NRXN1: variants seen among roughly 807,000 people sequenced by gnomAD.
The protein encoded by NRXN1 is neurexin 1.
NRXN1 carries 39 observed loss-of-function variants against 150.9 expected under a neutral mutation model. That is an observed-to-expected ratio of 0.26 (90% confidence interval 0.20 to 0.34). The LOEUF (loss-of-function observed/expected upper bound fraction) is 0.34, where lower values mean the gene tolerates loss of function less well. NRXN1 is among the 10% of genes least tolerant of loss of function. NRXN1 has a pLI of 1.00. For missense variants in NRXN1, 1,815 were observed against 1,949.9 expected, an observed-to-expected ratio of 0.93 and a Z score of 1.30; for synonymous variants, 924 against 757.0, an observed-to-expected ratio of 1.22 and a Z score of -3.62.
At chr2:50,630,590 A>G (rs1380199627) in intron 5 of NRXN1, among the ~76,000 whole-genome samples, 3 of 151,780 alleles carry the variant, frequency 2.0e-5, no homozygotes, top group South Asian at 4.1e-4. Context: ...CCCCAGTTAC[A>G]TGAAGAATGT....
chr2:50,592,306 C>T (rs181258828), intron 8 of NRXN1, among the ~76,000 whole-genome samples: 5 of 152,328 alleles, frequency 3.3e-5, no homozygotes, highest in African/African-American at 1.2e-4. Context: ...AGGGCCAGGG[C>T]AAATGACACC....
intron 21 of NRXN1, among the ~76,000 whole-genome samples, chr2:49,978,290 T>C (rs1482644310): frequency 6.6e-6 from 1 of 152,154 alleles, no homozygotes; most frequent in African/African-American, 2.4e-5. Context: ...AAGGTGGGCT[T>C]GTGAGCAAGA....
chr2:50,007,598 A>G (rs371358862), intron 21 of NRXN1, among the ~76,000 whole-genome samples: 44 of 152,228 alleles, frequency 2.9e-4, no homozygotes, highest in African/African-American at 1.0e-3. Flanking sequence ...TCCCTAGTGT[A>G]TATGTGCCAC....
At chr2:50,113,090 T>C (rs1396728409) in intron 18 of NRXN1, among the ~76,000 whole-genome samples, 3 of 152,166 alleles carry the variant, frequency 2.0e-5, no homozygotes, top group Non-Finnish European at 2.9e-5. Flanking sequence ...ACCCCTAGAT[T>C]TGATTCCTGC....
At chr2:50,373,678 GA>G (rs779166297) in intron 17 of NRXN1, among the ~76,000 whole-genome samples, 16,185 of 67,586 alleles carry the variant, frequency 0.24, 1,284 homozygotes, top group East Asian at 0.48. Flanking sequence ...AAGAAAGAAA[GA>G]AAAGAAAGAA....
intron 2 of NRXN1, among the ~76,000 whole-genome samples, chr2:50,992,103 AAG>A (rs2104996779): frequency 6.6e-6 from 1 of 152,144 alleles, no homozygotes; most frequent in South Asian, 2.1e-4. Flanking sequence ...CAGAGACAGA[AAG>A]AGAGAGAGAA....
chr2:49,993,132 A>T (rs1205010521), intron 21 of NRXN1, among the ~76,000 whole-genome samples: 1 of 152,210 alleles, frequency 6.6e-6, no homozygotes, highest in Non-Finnish European at 1.5e-5. Context: ...GGCTTTATTT[A>T]TAATTGCCAA....
At chr2:50,794,117 T>A (rs1177671392) in intron 5 of NRXN1, among the ~76,000 whole-genome samples, 1 of 152,114 alleles carries the variant, frequency 6.6e-6, no homozygotes, top group African/African-American at 2.4e-5. Flanking sequence ...TCTGAGGCTG[T>A]GAAACCTTGG....
chr2:50,474,742 G>C (rs1210625689), intron 15 of NRXN1, among the ~76,000 whole-genome samples: 1 of 117,530 alleles, frequency 8.5e-6, no homozygotes. Context: ...CAAGAATGAA[G>C]ATGCTGGGTA....
Position 50,552,243 on chromosome 2 carries a change from C to A in NRXN1, c.1759+344G>T, listed in dbSNP as rs182599976. ...GCCACTTCGGGTACCTCCAAACATC[C>A]AATAACATAAGAGAAAACTGGGAAT... On this transcript the variant is annotated intron_variant, in intron 9 of 22. Transcript: ENST00000401669. Among the ~76,000 whole-genome samples the A allele has an allele frequency of 8.0e-3, 1,215 of 152,096 alleles. 12 individuals are homozygous for A. Among genetic ancestry groups the A allele is most frequent in the African/African-American group, 0.027 (1,108 of 41,484 alleles).
chr2:50,325,714 T>C (rs1396483371), intron 17 of NRXN1, among the ~76,000 whole-genome samples: 1 of 152,232 alleles, frequency 6.6e-6, no homozygotes, highest in Non-Finnish European at 1.5e-5. Flanking sequence ...AGAATAGCCT[T>C]GTCTAATTTT....
chr2:50,058,546 A>C (rs1026494384), intron 19 of NRXN1, among the ~76,000 whole-genome samples: 7 of 115,602 alleles, frequency 6.1e-5, no homozygotes, highest in African/African-American at 1.9e-4. Context: ...AGAATAAAAA[A>C]CTAATGACTT....
At chr2:50,679,254 G>C (rs1331728604) in intron 5 of NRXN1, among the ~76,000 whole-genome samples, 1 of 152,104 alleles carries the variant, frequency 6.6e-6, no homozygotes, top group East Asian at 1.9e-4. Context: ...TGAGCATGGG[G>C]AGACATCCCT....
chr2:50,871,265 T>C (rs1677740951), intron 5 of NRXN1, among the ~76,000 whole-genome samples: 1 of 152,018 alleles, frequency 6.6e-6, no homozygotes, highest in East Asian at 2.0e-4. Context: ...AATTTATCAA[T>C]TTATTATTTA....
At chr2:50,754,628 T>A (rs1195056005) in intron 5 of NRXN1, among the ~76,000 whole-genome samples, 2 of 151,838 alleles carry the variant, frequency 1.3e-5, no homozygotes, top group Non-Finnish European at 2.9e-5. Flanking sequence ...CTGTGGTTCT[T>A]TTTCAGAACT....
intron 5 of NRXN1, among the ~76,000 whole-genome samples, chr2:50,897,478 T>C (rs931319202): frequency 6.6e-6 from 1 of 152,186 alleles, no homozygotes; most frequent in African/African-American, 2.4e-5. Context: ...GCTGAAGGGA[T>C]ACAAAGAATT....
chr2:50,167,564 A>C (rs879916275), intron 18 of NRXN1, among the ~76,000 whole-genome samples: 3 of 152,064 alleles, frequency 2.0e-5, no homozygotes, highest in Non-Finnish European at 4.4e-5. Flanking sequence ...AAAAAAAAAA[A>C]ACAACCTGAT....
At chr2:50,777,856 G>A (rs532741876) in intron 5 of NRXN1, among the ~76,000 whole-genome samples, 1 of 152,162 alleles carries the variant, frequency 6.6e-6, no homozygotes, top group African/African-American at 2.4e-5. Context: ...TCTTCAAAGA[G>A]GGTAATAATA....
chr2:49,954,687 A>G (rs1674619851), intron 21 of NRXN1, among the ~76,000 whole-genome samples: 1 of 152,154 alleles, frequency 6.6e-6, no homozygotes, highest in African/African-American at 2.4e-5. Flanking sequence ...GACTTTACCT[A>G]TGGTTTGTCT....
Sources: allele counts gnomAD v4.1 joint callset (sites outside exome capture counted in the v4.1 genomes callset), GRCh38; gene constraint gnomAD v4.1.1; transcripts MANE v1.5; gene names NCBI Gene and HGNC (gene_info 2026-07-23, HGNC 2026-07-21).